CDH13: variants seen among roughly 807,000 people sequenced by gnomAD.
The protein encoded by CDH13 is cadherin-13.
In CDH13, 24 loss-of-function variants were observed where a neutral mutation model predicts 63.8. That is an observed-to-expected ratio of 0.38 (90% confidence interval 0.27 to 0.53). CDH13 has a LOEUF of 0.53. CDH13 is among the 20% of genes least tolerant of loss of function. The pLI, the probability that CDH13 is intolerant of heterozygous loss-of-function variation, is 0.85. For synonymous variants in CDH13, 503 were observed against 355.3 expected (o/e 1.42, Z -4.67); for missense variants, 1,049 against 903.1 (o/e 1.16, Z -2.07).
chr16:82,828,552 G>A (rs1013137444), intron 1 of CDH13, among the ~76,000 whole-genome samples: 2 of 152,002 alleles, frequency 1.3e-5, no homozygotes, highest in African/African-American at 4.8e-5. Context: ...GCTTGATCCC[G>A]GGAGGCAGAG....
At chr16:83,256,123 T>G (rs905478329) in intron 5 of CDH13, among the ~76,000 whole-genome samples, 1 of 152,188 alleles carries the variant, frequency 6.6e-6, no homozygotes, top group Non-Finnish European at 1.5e-5. Context: ...AGCCTTGACT[T>G]CCTGAGCTGA....
intron 10 of CDH13, among the ~76,000 whole-genome samples, chr16:83,713,060 G>A (rs530046753): frequency 1.3e-5 from 2 of 152,252 alleles, no homozygotes; most frequent in Admixed American, 6.5e-5. Flanking sequence ...AGCACTTTAG[G>A]CCTTTTACTA....
chr16:83,183,949 C>T (rs2038428479), intron 4 of CDH13, among the ~76,000 whole-genome samples: 1 of 152,012 alleles, frequency 6.6e-6, no homozygotes, highest in African/African-American at 2.4e-5. Flanking sequence ...CCCAAAATTC[C>T]AGAGCAAGAA....
chr16:83,731,030 TAC>T (rs1910986048), intron 10 of CDH13, among the ~76,000 whole-genome samples: 1 of 152,036 alleles, frequency 6.6e-6, no homozygotes, highest in Non-Finnish European at 1.5e-5. Flanking sequence ...TTCCATGGTA[TAC>T]ACGCACTGCA....
rs2085949 is a variant in CDH13 at position 82,731,527 on chromosome 16, C to G, written c.45+104390C>G. Among the ~76,000 whole-genome samples the G allele has an allele frequency of 2.0e-5, 3 of 152,148 alleles. No individual in the cohort carries two copies. The East Asian group carries it at 5.8e-4, about 29-fold the overall frequency. ...ATCTGAAAAGTATTTTGGGATTCAG[C>G]AAAGAAGCTGCTCAAGACATTGACA... On this transcript the variant is annotated intron_variant, in intron 1 of 13. Transcript: ENST00000567109.
At position 83,294,294 on chromosome 16, in the gene CDH13, C is replaced by A. The variant is rs193247043; in HGVS notation, c.637-50568C>A. On this transcript the variant is annotated intron_variant, in intron 5 of 13. Coordinates refer to ENST00000567109, the MANE Select transcript of CDH13 (RefSeq NM_001257.5). ...TTTAGGAATACAATATATTGTTATT[C>A]ATTGTAGTTGCCATATTGGACAATA... Among the ~76,000 whole-genome samples, 586 of 152,168 alleles carry A rather than the reference C, an allele frequency of 3.9e-3. 4 individuals carry two copies. Among genetic ancestry groups the A allele is most frequent in the African/African-American group, 0.01 (429 of 41,528 alleles).
intron 1 of CDH13, among the ~76,000 whole-genome samples, chr16:82,712,868 C>T (rs7188792): frequency 1.2e-3 from 178 of 152,222 alleles, no homozygotes; most frequent in African/African-American, 4.0e-3. Context: ...ACTCTCCGCT[C>T]TCTGGGGGCC....
intron 2 of CDH13, among the ~76,000 whole-genome samples, chr16:83,003,091 C>G (rs937699618): frequency 6.6e-6 from 1 of 152,176 alleles, no homozygotes; most frequent in African/African-American, 2.4e-5. Flanking sequence ...AATTTGATGC[C>G]AACCCCAGTG....
intron 1 of CDH13, among the ~76,000 whole-genome samples, chr16:82,735,196 C>G (rs1037025831): frequency 3.9e-5 from 6 of 152,192 alleles, no homozygotes; most frequent in Non-Finnish European, 8.8e-5. Flanking sequence ...ATCTCCCCAC[C>G]CATTGATTAT....
At chr16:82,695,879 G>A (rs1329984283) in intron 1 of CDH13, among the ~76,000 whole-genome samples, 1 of 152,164 alleles carries the variant, frequency 6.6e-6, no homozygotes, top group South Asian at 2.1e-4. Flanking sequence ...TAAACACAGA[G>A]TTAAATCAAC....
At chr16:83,556,372 A>T (rs2075602462) in intron 7 of CDH13, among the ~76,000 whole-genome samples, 2 of 152,220 alleles carry the variant, frequency 1.3e-5, no homozygotes, top group Non-Finnish European at 2.9e-5. Context: ...GCCTTGTCTA[A>T]ATCCACCACA....
chr16:82,894,919 T>A (rs995526607), intron 2 of CDH13, among the ~76,000 whole-genome samples: 1 of 151,950 alleles, frequency 6.6e-6, no homozygotes, highest in Non-Finnish European at 1.5e-5. Context: ...TAGGGAGTCG[T>A]GAGCAAGGTG....
intron 2 of CDH13, among the ~76,000 whole-genome samples, chr16:83,022,647 C>A (rs1382515644): frequency 1.3e-5 from 2 of 152,110 alleles, no homozygotes; most frequent in African/African-American, 4.8e-5. Context: ...TGGGGGAGGG[C>A]TACAACTTCC....
chr16:83,254,794 G>A (rs2151828914), intron 5 of CDH13, among the ~76,000 whole-genome samples: 1 of 152,202 alleles, frequency 6.6e-6, no homozygotes, highest in South Asian at 2.1e-4. Flanking sequence ...TTGGCTGACT[G>A]TAACCATAAA....
chr16:83,022,095 G>A (rs72794179), intron 2 of CDH13, among the ~76,000 whole-genome samples: 1 of 152,104 alleles, frequency 6.6e-6, no homozygotes, highest in Non-Finnish European at 1.5e-5. Flanking sequence ...TTAAAAGGAA[G>A]GTGGTGCCTC....
intron 3 of CDH13, among the ~76,000 whole-genome samples, chr16:83,032,813 T>C (rs1302774681): frequency 6.6e-6 from 1 of 152,146 alleles, no homozygotes; most frequent in Non-Finnish European, 1.5e-5. Flanking sequence ...ACTCATGGAC[T>C]GAGAGTGAAA....
chr16:83,113,630 A>G (rs954226360), intron 3 of CDH13, among the ~76,000 whole-genome samples: 1 of 152,172 alleles, frequency 6.6e-6, no homozygotes, highest in Non-Finnish European at 1.5e-5. Context: ...GCTCTAGGGG[A>G]AAAAGGCAAA....
chr16:83,565,187 C>T (rs146825702), intron 7 of CDH13, among the ~76,000 whole-genome samples: 1 of 152,190 alleles, frequency 6.6e-6, no homozygotes, highest in Non-Finnish European at 1.5e-5. Flanking sequence ...AAAAGCAATT[C>T]AGATCTCGCC....
intron 6 of CDH13, among the ~76,000 whole-genome samples, chr16:83,421,868 T>C (rs983260840): frequency 2.6e-5 from 4 of 152,182 alleles, no homozygotes; most frequent in Non-Finnish European, 4.4e-5. Context: ...GCTGATAAAA[T>C]AGTCAAGATT....
Sources: gnomAD v4.1 joint callset for allele counts (sites outside exome capture counted in the v4.1 genomes callset) on GRCh38, gnomAD v4.1.1 for gene constraint, MANE v1.5 for transcripts, NCBI Gene and HGNC (gene_info 2026-07-23, HGNC 2026-07-21) for gene names.